RBFOX1: variants seen among roughly 807,000 people sequenced by gnomAD.
The protein encoded by RBFOX1 is RNA binding fox-1 homolog 1.
In RBFOX1, 8 loss-of-function variants were observed where a neutral mutation model predicts 57.7. The observed-to-expected ratio is 0.14, with a 90% CI of 0.08 to 0.25. The LOEUF is 0.25. Among genes scored for constraint, RBFOX1 ranks in the 10% least tolerant of loss-of-function variants. The pLI is 1.00. For synonymous variants in RBFOX1, 326 were observed against 222.4 expected (o/e 1.47, Z -4.15); for missense variants, 611 against 548.5 (o/e 1.11, Z -1.14).
At chr16:6,991,188 C>G (rs554682005) in intron 3 of RBFOX1, among the ~76,000 whole-genome samples, 22 of 148,210 alleles carry the variant, frequency 1.5e-4, no homozygotes, top group African/African-American at 4.7e-4. Context: ...ACCTTTAGTT[C>G]CAGTTACAGA....
chr16:6,376,742 A>T (rs1278345629), intron 2 of RBFOX1, among the ~76,000 whole-genome samples: 1 of 152,150 alleles, frequency 6.6e-6, no homozygotes, highest in African/African-American at 2.4e-5. Flanking sequence ...AAACTACAGA[A>T]ATGTGTTTTC....
intron 5 of RBFOX1, among the ~76,000 whole-genome samples, chr16:7,544,759 T>C (rs1371869180): frequency 6.6e-6 from 1 of 152,252 alleles, no homozygotes; most frequent in African/African-American, 2.4e-5. Context: ...CCTAGGAAAG[T>C]AATAGCACAT....
intron 3 of RBFOX1, among the ~76,000 whole-genome samples, chr16:7,003,242 C>T (rs1327258183): frequency 6.6e-6 from 1 of 151,984 alleles, no homozygotes; most frequent in Non-Finnish European, 1.5e-5. Context: ...GGGTGGATCA[C>T]AAGGTCAGCA....
intron 1 of RBFOX1, among the ~76,000 whole-genome samples, chr16:6,256,303 A>G (rs1399907687): frequency 7.1e-6 from 1 of 141,488 alleles, no homozygotes; most frequent in East Asian, 2.0e-4. Flanking sequence ...ATATATGTAT[A>G]TATATATATG....
At chr16:6,960,888 C>G (rs541029306) in intron 3 of RBFOX1, among the ~76,000 whole-genome samples, 1 of 150,536 alleles carries the variant, frequency 6.6e-6, no homozygotes, top group South Asian at 2.1e-4. Flanking sequence ...AATCCCAGCA[C>G]TTTGGAAGGC....
intron 3 of RBFOX1, among the ~76,000 whole-genome samples, chr16:6,721,375 G>A (rs1400789726): frequency 4.6e-5 from 7 of 152,116 alleles, no homozygotes; most frequent in Admixed American, 2.0e-4. Context: ...CCCGGGAGGC[G>A]GAGGTTACAG....
chr16:6,178,132 C>T (rs1407548437), intron 1 of RBFOX1, among the ~76,000 whole-genome samples: 1 of 151,040 alleles, frequency 6.6e-6, no homozygotes, highest in Non-Finnish European at 1.5e-5. Flanking sequence ...GTCATGGACA[C>T]CTGGGGACCA....
At chr16:6,672,846 C>G (rs990295402) in intron 3 of RBFOX1, among the ~76,000 whole-genome samples, 30 of 152,146 alleles carry the variant, frequency 2.0e-4, no homozygotes, top group African/African-American at 6.5e-4. Flanking sequence ...TTAGGTGGAC[C>G]TATCTCTGAT....
chr16:6,591,891 T>C (rs940051902), intron 2 of RBFOX1, among the ~76,000 whole-genome samples: 1 of 152,162 alleles, frequency 6.6e-6, no homozygotes, highest in African/African-American at 2.4e-5. Flanking sequence ...GAAAACACAT[T>C]TGCTTTGTGA....
chr16:7,394,084 A>C (rs983917294), intron 4 of RBFOX1, among the ~76,000 whole-genome samples: 2 of 151,818 alleles, frequency 1.3e-5, no homozygotes, highest in Admixed American at 1.3e-4. Flanking sequence ...AAAAATACCA[A>C]AATTAGCCGG....
chr16:7,413,862 T>C (rs143015666), intron 4 of RBFOX1, among the ~76,000 whole-genome samples: 3 of 152,268 alleles, frequency 2.0e-5, no homozygotes, highest in Admixed American at 6.5e-5. Flanking sequence ...TTGATGAGAC[T>C]CATCACTTTG....
intron 2 of RBFOX1, among the ~76,000 whole-genome samples, chr16:6,595,978 CT>C (rs1207212369): frequency 6.6e-6 from 1 of 150,666 alleles, no homozygotes; most frequent in Non-Finnish European, 1.5e-5. Context: ...TTTAATGGAA[CT>C]TTTTATTTTT....
intron 3 of RBFOX1, among the ~76,000 whole-genome samples, chr16:5,789,393 T>G (rs2054613646): frequency 1.3e-5 from 2 of 152,224 alleles, no homozygotes; most frequent in Non-Finnish European, 2.9e-5. Flanking sequence ...GGGGCCACTT[T>G]GGGAGGTCTA....
intron 5 of RBFOX1, among the ~76,000 whole-genome samples, chr16:7,570,991 C>T (rs567758133): frequency 1.3e-5 from 2 of 152,212 alleles, no homozygotes; most frequent in South Asian, 4.1e-4. Flanking sequence ...AACAGAAAAC[C>T]GAACACTGCA....
intron 1 of RBFOX1, among the ~76,000 whole-genome samples, chr16:5,371,529 C>T (rs1400398146): frequency 6.6e-6 from 1 of 152,226 alleles, no homozygotes; most frequent in African/African-American, 2.4e-5. Context: ...CCACCTGTGA[C>T]ATTTTGTTAT....
chr16:7,288,042 T>C (rs991046316), intron 4 of RBFOX1, among the ~76,000 whole-genome samples: 21 of 152,124 alleles, frequency 1.4e-4, no homozygotes, highest in African/African-American at 5.1e-4. Flanking sequence ...TCATGTTCTG[T>C]AGAAGGGAAG....
chr16:5,592,418 C>CT (rs1325474693), intron 2 of RBFOX1, among the ~76,000 whole-genome samples: 365 of 141,376 alleles, frequency 2.6e-3, no homozygotes, highest in East Asian at 9.4e-3. Context: ...TTATAAAAAT[C>CT]TTTTTTTTTT....
intron 5 of RBFOX1, among the ~76,000 whole-genome samples, chr16:7,533,145 A>G (rs755144350): frequency 3.3e-5 from 5 of 152,184 alleles, no homozygotes; most frequent in Non-Finnish European, 7.3e-5. Flanking sequence ...ACCTGCATGG[A>G]CTGGTCCTCA....
chr16:5,269,555 A>G (rs565229023), intron 1 of RBFOX1, among the ~76,000 whole-genome samples: 1 of 152,394 alleles, frequency 6.6e-6, no homozygotes, highest in Admixed American at 6.5e-5. Flanking sequence ...GGAGCAAAGC[A>G]CATATGCTAC....
Sources: allele counts gnomAD v4.1 joint callset (sites outside exome capture counted in the v4.1 genomes callset), GRCh38; gene constraint gnomAD v4.1.1; transcripts MANE v1.5; gene names NCBI Gene and HGNC (gene_info 2026-07-23, HGNC 2026-07-21).